Variants in LMO7 observed in about 807,000 individuals in gnomAD.
LMO7 encodes the protein LIM domain only protein 7.
A neutral mutation model predicts 206.5 loss-of-function variants in LMO7; 120 were observed. The ratio of observed to expected loss-of-function variants is 0.58; its 90% confidence interval spans 0.50 to 0.68. LMO7 has a LOEUF of 0.68. LMO7 is among the 30% of genes least tolerant of loss of function. The pLI is 0.00. For missense variants in LMO7, 1,959 were observed against 1,957.9 expected (o/e 1.00, Z -0.01); for synonymous variants, 706 against 681.5 (o/e 1.04, Z -0.56).
intron 3 of LMO7, among the ~76,000 whole-genome samples, chr13:75,744,914 A>C (rs2046713789): frequency 6.6e-6 from 1 of 152,220 alleles, no homozygotes; most frequent in African/African-American, 2.4e-5. Context: ...GTTCCCGTGG[A>C]GAGTGCAGGA....
chr13:75,734,084 A>C (rs1280958552), intron 3 of LMO7, among the ~76,000 whole-genome samples: 1 of 152,192 alleles, frequency 6.6e-6, no homozygotes, highest in Non-Finnish European at 1.5e-5. Flanking sequence ...TTTCCCACCA[A>C]AGTCCTGTGT....
chr13:75,819,505 C>G lies in LMO7; in HGVS notation c.2177C>G (p.Ser726Cys). The G allele has an allele frequency of 1.2e-6, 2 of 1,607,224 alleles. No individual in the cohort carries two copies. The highest frequency in any genetic ancestry group is 1.7e-6 in the Non-Finnish European group (2 of 1,178,344). The change falls in exon 13 of 31, where the codon TCT (serine) becomes TGT (cysteine). Residue 726 changes from serine to cysteine, a missense_variant. Transcript: ENST00000377534. ...GCACTTGAGAAGTCTAAGAGAAGCT[C>G]TAAGACGTTTAAGGAAATGCTGCAG... is the stretch of plus-strand genomic sequence containing the variant. ...KQALEKSKRS[S>C]KTFKEMLQDR...
chr13:75,822,854 C>T (rs1417548034), intron 14 of LMO7, among the ~76,000 whole-genome samples: 4 of 144,322 alleles, frequency 2.8e-5, no homozygotes, highest in Non-Finnish European at 4.5e-5. Flanking sequence ...AAAACTTTTG[C>T]TCCAGCAAGC....
At chr13:75,805,389 T>C in intron 8 of LMO7, 90 bp from the exon 9 acceptor site, 1 of 1,366,618 alleles carries the variant, frequency 7.3e-7, no homozygotes, top group South Asian at 1.4e-5. Flanking sequence ...TTCACAGTGG[T>C]GTAAACTTTG....
intron 3 of LMO7, among the ~76,000 whole-genome samples, chr13:75,740,880 T>C (rs1372252312): frequency 6.6e-6 from 1 of 152,222 alleles, no homozygotes; most frequent in African/African-American, 2.4e-5. Context: ...CTGCTTTTGT[T>C]TTTTGGTACA....
At chr13:75,833,999 C>T (rs908487923) in intron 16 of LMO7, among the ~76,000 whole-genome samples, 1 of 152,022 alleles carries the variant, frequency 6.6e-6, no homozygotes, top group African/African-American at 2.4e-5. Flanking sequence ...ATGAGTTTAT[C>T]ATTTTTCCTT....
At chr13:75,758,802 CT>C (rs2047902230) in intron 3 of LMO7, among the ~76,000 whole-genome samples, 1 of 151,982 alleles carries the variant, frequency 6.6e-6, no homozygotes, top group African/African-American at 2.4e-5. Flanking sequence ...TTAGTTTAAC[CT>C]TATTTTAATA....
At chr13:75,707,121 A>T (rs2042717293) in intron 1 of LMO7, among the ~76,000 whole-genome samples, 1 of 151,524 alleles carries the variant, frequency 6.6e-6, no homozygotes. Flanking sequence ...GCTTCTTCTG[A>T]ATGTTGTTCT....
intron 2 of LMO7, among the ~76,000 whole-genome samples, chr13:75,629,773 C>G (rs955254326): frequency 6.6e-6 from 1 of 152,030 alleles, no homozygotes; most frequent in South Asian, 2.1e-4. Flanking sequence ...TAGCTGAGCG[C>G]TAATGAGAGA....
chr13:75,717,170 T>C (rs927096544), intron 2 of LMO7, among the ~76,000 whole-genome samples: 2 of 152,046 alleles, frequency 1.3e-5, no homozygotes, highest in Non-Finnish European at 2.9e-5. Context: ...GAGACCATCC[T>C]GGCTAACATG....
intron 2 of LMO7, among the ~76,000 whole-genome samples, chr13:75,719,636 C>T (rs9530463): frequency 0.5 from 76,448 of 151,638 alleles, 20,646 homozygotes; most frequent in African/African-American, 0.7. Flanking sequence ...CGGTAGGACC[C>T]GCTTGCTTCC....
intron 1 of LMO7, among the ~76,000 whole-genome samples, chr13:75,658,157 T>C (rs2038232465): frequency 6.6e-6 from 1 of 152,102 alleles, no homozygotes; most frequent in Non-Finnish European, 1.5e-5. Flanking sequence ...AAGGTCCTTA[T>C]ACACACTCAT....
chr13:75,786,551 G>T (rs563220263), intron 4 of LMO7, among the ~76,000 whole-genome samples: 3 of 151,354 alleles, frequency 2.0e-5, no homozygotes, highest in South Asian at 2.1e-4. Flanking sequence ...ATTTTTTTTT[G>T]TTTGTTTGTA....
chr13:75,622,999 T>C (rs963896368), intron 1 of LMO7, among the ~76,000 whole-genome samples: 1 of 152,194 alleles, frequency 6.6e-6, no homozygotes, highest in Non-Finnish European at 1.5e-5. Context: ...AAAAATGATA[T>C]GAAATTCCTG....
chr13:75,801,156 C>G (rs2054675779), intron 7 of LMO7, among the ~76,000 whole-genome samples: 1 of 151,338 alleles, frequency 6.6e-6, no homozygotes, highest in Non-Finnish European at 1.5e-5. Context: ...TGGCTCTTCT[C>G]TCTCCAGATT....
At chr13:75,703,739 T>TGTGTGTGTGTGTGTGTGC (rs57290262) in intron 1 of LMO7, among the ~76,000 whole-genome samples, 10 of 151,790 alleles carry the variant, frequency 6.6e-5, no homozygotes, top group African/African-American at 2.4e-4. Flanking sequence ...TGTGTGTGTG[T>TGTGTGTGTGTGTGTGTGC]GCACTGTGAG....
At chr13:75,764,998 G>C (rs1294245045) in intron 4 of LMO7, among the ~76,000 whole-genome samples, 2 of 152,100 alleles carry the variant, frequency 1.3e-5, no homozygotes, top group African/African-American at 4.8e-5. Context: ...ACACATGCTA[G>C]TTGCCAAAGG....
rs567100898 is a variant in LMO7, at chr13:75,835,074, A to G, written c.3227-159A>G. 33 of 799,978 alleles carry G rather than the reference A, an allele frequency of 4.1e-5. No individual in the cohort carries two copies. In the Admixed American group the frequency reaches 5.7e-4, roughly 14 times the overall value. 49.6% of individuals were successfully genotyped at this position (799,978 alleles called of 1,614,324 possible). A position where few individuals can be genotyped will look rare whatever the true frequency, so the allele number is the denominator to read the frequency against. The stretch of plus-strand genomic sequence containing the variant: ...CTTGTATATGTAGATTTTTTTTTAT[A>G]TATATGTGCATTCAATGACTTTATT... On this transcript the variant is annotated intron_variant, in intron 17 of 30. Transcript: ENST00000377534.
intron 3 of LMO7, among the ~76,000 whole-genome samples, chr13:75,755,170 T>C (rs994983608): frequency 6.6e-6 from 1 of 152,176 alleles, no homozygotes; most frequent in Non-Finnish European, 1.5e-5. Context: ...TTTCAGATTC[T>C]GGGTGGTCCC....
Sources: allele counts gnomAD v4.1 joint callset (sites outside exome capture counted in the v4.1 genomes callset), GRCh38; gene constraint gnomAD v4.1.1; transcripts MANE v1.5; gene names NCBI Gene and HGNC (gene_info 2026-07-23, HGNC 2026-07-21).